SENP8: variants seen among roughly 807,000 people sequenced by gnomAD.
SENP8 encodes the protein SUMO peptidase family member, NEDD8 specific, also known as sentrin-specific protease 8.
In SENP8, 10 loss-of-function variants were observed where a neutral mutation model predicts 14.4. That is an observed-to-expected ratio of 0.69 (90% CI 0.43 to 1.18). The LOEUF (loss-of-function observed/expected upper bound fraction) is 1.18, where lower values mean the gene tolerates loss of function less well. Ranked by LOEUF, SENP8 falls within the 50% of genes most tolerant of loss-of-function variation. The pLI is 0.00. For synonymous variants in SENP8, 94 were observed against 95.5 expected (o/e 0.98, Z 0.09); for missense variants, 202 against 249.4 (o/e 0.81, Z 1.28).
chr15:72,138,389 G>C (rs2081347254), intron 1 of SENP8, among the ~76,000 whole-genome samples: 1 of 136,956 alleles, frequency 7.3e-6, no homozygotes, highest in Admixed American at 7.9e-5. Context: ...TTGCTCTGTT[G>C]CCCAGGCTGG....
intron 1 of SENP8, chr15:72,134,875 C>T: frequency 3.5e-6 from 1 of 281,880 alleles, no homozygotes; most frequent in Non-Finnish European, 7.0e-6. Context: ...TGTAAGCAAA[C>T]AAGGGCCAGA....
At chr15:72,125,800 T>C (rs1282002168) in intron 1 of SENP8, among the ~76,000 whole-genome samples, 1 of 151,830 alleles carries the variant, frequency 6.6e-6, no homozygotes, top group African/African-American at 2.4e-5. Context: ...GTAATCTTTT[T>C]TCTTTTTTAT....
chr15:72,120,224 G>T (rs1274055597), intron 1 of SENP8, among the ~76,000 whole-genome samples: 1 of 152,204 alleles, frequency 6.6e-6, no homozygotes, highest in Non-Finnish European at 1.5e-5. Context: ...AATTAGGATG[G>T]AAAATTACCG....
chr15:72,128,769 A>G (rs181618722), intron 1 of SENP8, among the ~76,000 whole-genome samples: 64 of 152,354 alleles, frequency 4.2e-4, no homozygotes, highest in Middle Eastern at 6.8e-3. Flanking sequence ...GTATCCATTT[A>G]GAGAAGTACA....
chr15:72,124,440 A>G lies in SENP8; in HGVS notation c.-48+5976A>G, dbSNP rs536739781. 1.4e-4 allele frequency among the ~76,000 whole-genome samples: 21 copies of G among 152,354 alleles called. No homozygotes were observed. The South Asian group carries it at 4.1e-3, about 30-fold the overall frequency. ...TTGGGGGGAAATTGAAACCCCAAAA[A>G]AAAGCCATGAACTTCCTTCCTGGAA... On this transcript the variant is annotated intron_variant, in intron 1 of 1. Transcript: ENST00000340912.
chr15:72,118,147 G>A, upstream of SENP8: 2 of 376,210 alleles, frequency 5.3e-6, no homozygotes, highest in South Asian at 1.4e-4. Context: ...GCAGGCGCGC[G>A]CGCACTTACC....
In SENP8 at chr15:72,139,778, G is replaced by C. The variant is rs140658121; in HGVS notation, c.155G>C (p.Ser52Thr). The C allele has an allele frequency of 6.8e-6, 11 of 1,614,032 alleles. No individual in the cohort carries two copies. Among genetic ancestry groups the C allele is most frequent in the Non-Finnish European group, 8.5e-6 (10 of 1,180,036 alleles). Reference protein sequence around the residue: ...SQFHDCSDHVSFISPEVTQFI... With the variant: ...SQFHDCSDHVTFISPEVTQFI... Reference sequence around the variant, plus strand: ...TTTCATGACTGCTCTGATCACGTCAGTTTCATCAGCCCTGAAGTCACCCAG... The same window carrying C: ...TTTCATGACTGCTCTGATCACGTCACTTTCATCAGCCCTGAAGTCACCCAG... The change falls in exon 2 of 2, where the codon AGT becomes ACT. Residue 52 changes from serine (S) to threonine (T), a missense_variant. By Grantham distance (58) the Ser-to-Thr change is moderately conservative. Transcript: ENST00000340912.
In SENP8 at chr15:72,140,240, T is replaced by C. The variant is rs138734676; in HGVS notation, c.617T>C (p.Ile206Thr). 1.9e-6 allele frequency: 3 copies of C among 1,613,130 alleles called. No homozygotes were observed. Among genetic ancestry groups the C allele is most frequent in the Middle Eastern group, 3.3e-4 (2 of 6,056 alleles). The change falls in exon 2 of 2, where the codon ATT becomes ACT. Residue 206 changes from isoleucine (I) to threonine (T), a missense_variant. Transcript: ENST00000340912. ...TKKRGEWKDL[I>T]TTLAKK ...AAGAGGGGAGAATGGAAAGATCTCATTACCACACTTGCTAAAAAGTAGCTA... is the reference window on the plus strand; with the variant it reads ...AAGAGGGGAGAATGGAAAGATCTCACTACCACACTTGCTAAAAAGTAGCTA...
upstream of SENP8, chr15:72,117,692 C>T: frequency 2.5e-6 from 1 of 396,852 alleles, no homozygotes; most frequent in Non-Finnish European, 4.4e-6. Flanking sequence ...CGGGCTCCGC[C>T]GCGGTGGCCA....
chr15:72,123,622 C>T (rs1189887786), intron 1 of SENP8, among the ~76,000 whole-genome samples: 2 of 151,652 alleles, frequency 1.3e-5, no homozygotes, highest in Admixed American at 6.6e-5. Context: ...CTCACCACAA[C>T]CGCCACCTCC....
intron 1 of SENP8, among the ~76,000 whole-genome samples, chr15:72,137,345 A>T (rs563331599): frequency 1.3e-5 from 2 of 152,062 alleles, no homozygotes; most frequent in South Asian, 4.2e-4. Context: ...ACTGCTCAAG[A>T]TGATACCAGC....
chr15:72,141,680 G>C lies in SENP8; in HGVS notation c.*1418G>C, dbSNP rs1447170283. 1.3e-5 allele frequency: 2 copies of C among 152,182 alleles called. No homozygotes were observed. Among genetic ancestry groups the C allele is most frequent in the African/African-American group, 4.8e-5 (2 of 41,434 alleles). The allele number at this position is 152,182 out of a possible 1,614,324, so 9.4% of individuals were successfully genotyped here. The stretch of plus-strand genomic sequence containing the variant: ...TAAGTACAGGTTACATAGCAGGCCT[G>C]AGTGAGCAGGAGCTGAAACTAAAAG... On this transcript the variant is annotated 3_prime_UTR_variant, in exon 2 of 2. Coordinates refer to ENST00000340912, the MANE Select transcript of SENP8 (RefSeq NM_145204.4).
upstream of SENP8, chr15:72,117,573 C>T (rs1361539194): frequency 1.1e-5 from 4 of 378,992 alleles, no homozygotes; most frequent in Admixed American, 1.4e-4. Context: ...GCTCGCGGGG[C>T]GTCTCCGCTG....
chr15:72,130,046 C>T (rs2081258196), intron 1 of SENP8, among the ~76,000 whole-genome samples: 1 of 151,876 alleles, frequency 6.6e-6, no homozygotes, highest in African/African-American at 2.4e-5. Flanking sequence ...AAAAATTAGC[C>T]AAGCATTGTG....
Position 72,140,916 on chromosome 15 carries a change from A to G in SENP8, c.*654A>G, listed in dbSNP as rs1184867555. 2 of 167,264 alleles carry G rather than the reference A, an allele frequency of 1.2e-5. No individual in the cohort carries two copies. Among genetic ancestry groups the G allele is most frequent in the African/African-American group, 2.4e-5 (1 of 41,582 alleles). The allele number at this position is 167,264 out of a possible 1,614,324, so 10.4% of individuals were successfully genotyped here. A position where few individuals can be genotyped will look rare whatever the true frequency, so the allele number is the denominator to read the frequency against. Reference sequence around the variant, plus strand: ...TCCATCTGATTCCTGGAATGCTTGAAGAAAGGGGAAATCTTGAGTAACCTC... The same window carrying G: ...TCCATCTGATTCCTGGAATGCTTGAGGAAAGGGGAAATCTTGAGTAACCTC... On this transcript the variant is annotated 3_prime_UTR_variant, in exon 2 of 2. Coordinates refer to ENST00000340912, the MANE Select transcript of SENP8 (RefSeq NM_145204.4).
chr15:72,129,916 A>G (rs2081256572), intron 1 of SENP8, among the ~76,000 whole-genome samples: 1 of 151,960 alleles, frequency 6.6e-6, no homozygotes, highest in African/African-American at 2.4e-5. Context: ...GCCAGGCACC[A>G]TAGCTCACAC....
intron 1 of SENP8, among the ~76,000 whole-genome samples, chr15:72,123,119 A>G (rs1006131160): frequency 6.6e-6 from 1 of 152,216 alleles, no homozygotes; most frequent in Admixed American, 6.5e-5. Context: ...CCTCTTAACT[A>G]TCTATGAAAA....
At chr15:72,127,084 A>C (rs1347068560) in intron 1 of SENP8, among the ~76,000 whole-genome samples, 2 of 152,194 alleles carry the variant, frequency 1.3e-5, no homozygotes, top group Admixed American at 1.3e-4. Flanking sequence ...TTATTCATTT[A>C]TTCTACAATT....
At position 72,139,875 on chromosome 15, in the gene SENP8, A is replaced by G; in HGVS notation, c.252A>G (p.Arg84=). The change falls in exon 2 of 2, where the codon AGA becomes AGG. Residue 84 remains arginine, a synonymous_variant. Coordinates refer to ENST00000340912, the MANE Select transcript of SENP8 (RefSeq NM_145204.4). The stretch of plus-strand genomic sequence containing the variant: ...AACCACTGGACCTCCCCAACAAGAG[A>G]GTTGTATTTTTAGCCATCAATGATA... ...FLEPLDLPNK[R]VVFLAINDNS... is the part of the protein sequence containing the mutation. 1 of 1,614,162 alleles carries G rather than the reference A, an allele frequency of 6.2e-7. No individual in the cohort carries two copies. The highest frequency in any genetic ancestry group is 1.1e-5 in the South Asian group (1 of 91,086).
Sources: gnomAD v4.1 joint callset for allele counts (sites outside exome capture counted in the v4.1 genomes callset) on GRCh38, gnomAD v4.1.1 for gene constraint, MANE v1.5 for transcripts, NCBI Gene and HGNC (gene_info 2026-07-23, HGNC 2026-07-21) for gene names.